The following KCNG4 variants were observed in gnomAD, a reference collection of about 807,000 sequenced individuals.
The protein encoded by KCNG4 is voltage-gated potassium channel regulatory subunit KCNG4.
In KCNG4, 30 loss-of-function variants were observed where a neutral mutation model predicts 28.2. That is an observed-to-expected ratio of 1.06 (90% CI 0.80 to 1.44). KCNG4 has a LOEUF of 1.44. Ranked by LOEUF, KCNG4 falls within the 40% of genes most tolerant of loss-of-function variation. KCNG4 has a pLI of 0.00. For missense variants in KCNG4, 879 were observed against 712.3 expected, an observed-to-expected ratio of 1.23 and a Z score of -2.66; for synonymous variants, 375 against 315.5, an observed-to-expected ratio of 1.19 and a Z score of -2.00.
In KCNG4 at chr16:84,237,474, A is replaced by G. The variant is rs145237059; in HGVS notation, c.12T>C (p.Pro4=). ...TGGGATGCAGGCCCCCGTCTCTGGA[A>G]GGCATGGGCATTGCTGAAGACCACC... MPM[P]SRDGGLHPRH... The change falls in exon 2 of 3, where the codon CCT becomes CCC. Residue 4 remains proline, a synonymous_variant. Coordinates refer to ENST00000308251, the MANE Select transcript of KCNG4 (RefSeq NM_172347.3). 245 of 1,497,800 alleles carry G rather than the reference A, an allele frequency of 1.6e-4. No individual in the cohort carries two copies. The highest frequency in any genetic ancestry group is 1.9e-4 in the Admixed American group (8 of 42,286). 92.8% of individuals were successfully genotyped at this position (1,497,800 alleles called of 1,614,324 possible).
At position 84,226,724 on chromosome 16, in the gene KCNG4, C is replaced by G; in HGVS notation, c.757-3704G>C. On this transcript the variant is annotated intron_variant, in intron 2 of 2. Coordinates refer to ENST00000308251, the MANE Select transcript of KCNG4 (RefSeq NM_172347.3). This position sits in a 1 kb window ranked among gnomAD's most constrained non-coding sequence, Gnocchi z 4.1. ...TGAAACCTTGTCGCTACTAAAAATA[C>G]AAAAATTAGCCAGGCATGGTGACAC... 6.7e-6 allele frequency among the ~76,000 whole-genome samples: 1 copy of G among 148,690 alleles called. No homozygotes were observed. The highest frequency in any genetic ancestry group is 1.9e-4 in the East Asian group (1 of 5,144).
At chr16:84,224,713 T>C (rs561082846) in intron 2 of KCNG4, among the ~76,000 whole-genome samples, 6 of 152,074 alleles carry the variant, frequency 3.9e-5, no homozygotes, top group African/African-American at 1.4e-4. Context: ...ATTGCAGGGG[T>C]GGGAGTCAGA....
intron 2 of KCNG4, among the ~76,000 whole-genome samples, chr16:84,225,580 C>G (rs1230627875): frequency 1.3e-5 from 2 of 152,256 alleles, no homozygotes; most frequent in East Asian, 1.9e-4. Flanking sequence ...CAAGGCCTCT[C>G]TCTTTGCAGA....
intron 2 of KCNG4, among the ~76,000 whole-genome samples, chr16:84,234,666 C>T (rs1248034521): frequency 1.3e-5 from 2 of 152,194 alleles, no homozygotes; most frequent in Non-Finnish European, 2.9e-5. Context: ...CCCATCGTGA[C>T]ATTAATTCTT....
intron 2 of KCNG4, chr16:84,236,414 C>T: frequency 2.2e-6 from 1 of 450,484 alleles, no homozygotes; most frequent in Non-Finnish European, 3.9e-6. Context: ...CCTGTAGTCA[C>T]AGACTCGGGA....
At chr16:84,228,604 C>T (rs947968365) in intron 2 of KCNG4, among the ~76,000 whole-genome samples, 4 of 152,146 alleles carry the variant, frequency 2.6e-5, no homozygotes, top group Admixed American at 6.5e-5. Flanking sequence ...CAGGTCTCCC[C>T]GCCACCCCCC....
chr16:84,222,360 C>T lies in KCNG4; in HGVS notation c.1417G>A (p.Ala473Thr), dbSNP rs933619305. ...ELKKEQEQLQ[A>T]RLRHLQNTGP... ...GTGTTTTGGAGGTGGCGGAGGCGGG[C>T]CTGAAGCTGCTCCTGCTCCTTCTTG... The change falls in exon 3 of 3, where the codon GCC becomes ACC. Residue 473 changes from alanine to threonine, a missense_variant. Coordinates refer to ENST00000308251, the MANE Select transcript of KCNG4 (RefSeq NM_172347.3). 5 of 1,614,078 alleles carry T rather than the reference C, an allele frequency of 3.1e-6. No individual in the cohort carries two copies. Among genetic ancestry groups the T allele is most frequent in the Non-Finnish European group, 4.2e-6 (5 of 1,179,990 alleles).
chr16:84,222,359 G>A lies in KCNG4; in HGVS notation c.1418C>T (p.Ala473Val). The A allele has an allele frequency of 6.2e-7, 1 of 1,614,138 alleles. No homozygotes were observed. The highest frequency in any genetic ancestry group is 8.5e-7 in the Non-Finnish European group (1 of 1,180,006). ...ELKKEQEQLQ[A>V]RLRHLQNTGP... ...GGTGTTTTGGAGGTGGCGGAGGCGG[G>A]CCTGAAGCTGCTCCTGCTCCTTCTT... Residue 473 changes from alanine (A) to valine (V), a missense_variant, in exon 3 of 3, where the codon GCC becomes GTC. Ala to Val is a moderately conservative substitution (Grantham distance 64). Transcript: ENST00000308251.
intron 2 of KCNG4, among the ~76,000 whole-genome samples, chr16:84,225,873 A>C (rs1039161707): frequency 6.6e-6 from 1 of 152,214 alleles, no homozygotes; most frequent in Non-Finnish European, 1.5e-5. Context: ...TCCTAAATCC[A>C]GCCTCCCAGC....
intron 1 of KCNG4, among the ~76,000 whole-genome samples, chr16:84,239,353 G>C (rs1414846058): frequency 6.6e-6 from 1 of 152,182 alleles, no homozygotes; most frequent in Non-Finnish European, 1.5e-5. Flanking sequence ...CATTTTCCCA[G>C]TGCAAAAACC....
At chr16:84,223,388 G>A (rs1173637797) in intron 2 of KCNG4, among the ~76,000 whole-genome samples, 2 of 152,130 alleles carry the variant, frequency 1.3e-5, no homozygotes, top group Non-Finnish European at 2.9e-5. Context: ...CTGGACCAGC[G>A]CCCCAGGGGA....
At chr16:84,225,691 C>T (rs373161501) in intron 2 of KCNG4, among the ~76,000 whole-genome samples, 2 of 152,216 alleles carry the variant, frequency 1.3e-5, no homozygotes, top group East Asian at 3.8e-4. Context: ...CCTGAGAGGC[C>T]GAGAAGGCGC....
At position 84,221,752 on chromosome 16, in the gene KCNG4, C is replaced by G. The variant is rs111841509; in HGVS notation, c.*465G>C. 852 of 162,298 alleles carry G rather than the reference C, an allele frequency of 5.2e-3. 11 individuals are homozygous for G. Among genetic ancestry groups the G allele is most frequent in the African/African-American group, 0.019 (789 of 41,628 alleles). The allele number at this position is 162,298 out of a possible 1,614,324, so 10.1% of individuals were successfully genotyped here. ...CCGTGGAAAGGTTGGGTGGGGAGATCTGATTAGAGGGGTTTGCAGTGACTG... is the reference window on the plus strand; with the variant it reads ...CCGTGGAAAGGTTGGGTGGGGAGATGTGATTAGAGGGGTTTGCAGTGACTG... On this transcript the variant is annotated 3_prime_UTR_variant, in exon 3 of 3. Coordinates refer to ENST00000308251, the MANE Select transcript of KCNG4 (RefSeq NM_172347.3).
Position 84,223,319 on chromosome 16 carries a change from A to C in KCNG4, c.757-299T>G, listed in dbSNP as rs1904623919. Among the ~76,000 whole-genome samples the C allele has an allele frequency of 2.0e-5, 3 of 152,130 alleles. No individual in the cohort carries two copies. The South Asian group carries it at 6.2e-4, about 32-fold the overall frequency. On this transcript the variant is annotated intron_variant, in intron 2 of 2. Coordinates refer to ENST00000308251, the MANE Select transcript of KCNG4 (RefSeq NM_172347.3). The stretch of plus-strand genomic sequence containing the variant: ...GATCTAACTCTTGCACACTCTTTCC[A>C]TCCTTCCTGTGAGCCGGGACAGCAC...
chr16:84,229,679 A>G (rs964640681), intron 2 of KCNG4, among the ~76,000 whole-genome samples: 3 of 152,282 alleles, frequency 2.0e-5, no homozygotes, highest in South Asian at 2.1e-4. Context: ...TGGCGTCTGC[A>G]TGGGGCATTT....
At position 84,222,584 on chromosome 16, in the gene KCNG4, C is replaced by G. The variant is rs146566372; in HGVS notation, c.1193G>C (p.Arg398Pro). The G allele has an allele frequency of 3.7e-6, 6 of 1,613,138 alleles. No homozygotes were observed. The African/African-American group carries it at 5.3e-5, about 14-fold the overall frequency. The stretch of plus-strand genomic sequence containing the variant: ...GGGGATGCTGGTGAACTCCAGCACC[C>G]GCCCGGACTCCTTCTCGGCCACGTA... ...LVYVAEKESG[R>P]VLEFTSIPAS... is the part of the protein sequence containing the mutation. The change falls in exon 3 of 3, where the codon CGG (arginine) becomes CCG (proline). Residue 398 changes from arginine to proline, a missense_variant. Physicochemically the swap from Arg to Pro is moderately radical, Grantham distance 103 (BLOSUM62 -2). Coordinates refer to ENST00000308251, the MANE Select transcript of KCNG4 (RefSeq NM_172347.3).
At position 84,237,396 on chromosome 16, in the gene KCNG4, G is replaced by A. The variant is rs1350516560; in HGVS notation, c.90C>T (p.Pro30=). Residue 30 remains proline, a synonymous_variant, in exon 2 of 3, where the codon CCC becomes CCT. Coordinates refer to ENST00000308251, the MANE Select transcript of KCNG4 (RefSeq NM_172347.3). The part of the protein sequence containing the change: ...HSPWSQLLSS[P]METPSIKGLY... ...GGCCCTTGATGGACGGCGTCTCCAT[G>A]GGGCTGGACAGGAGCTGACTCCAAG... The A allele has an allele frequency of 6.5e-7, 1 of 1,528,090 alleles. No homozygotes were observed. The highest frequency in any genetic ancestry group is 1.4e-5 in the African/African-American group (1 of 72,076). 94.7% of individuals were successfully genotyped at this position (1,528,090 alleles called of 1,614,324 possible). A position where few individuals can be genotyped will look rare whatever the true frequency, so the allele number is the denominator to read the frequency against.
chr16:84,239,843 C>T lies in KCNG4; in HGVS notation c.-214G>A, dbSNP rs953564973. 1.3e-5 allele frequency: 2 copies of T among 152,162 alleles called. No individual in the cohort carries two copies. The highest frequency in any genetic ancestry group is 1.3e-4 in the Admixed American group (2 of 15,278). 9.4% of individuals were successfully genotyped at this position (152,162 alleles called of 1,614,324 possible). A position where few individuals can be genotyped will look rare whatever the true frequency, so the allele number is the denominator to read the frequency against. ...TCCAATCTTTCTTCCCGTGCCTCCT[C>T]CAGAAACCAGAAGTTCATTCATTCT... On this transcript the variant is annotated 5_prime_UTR_variant, in exon 1 of 3. Coordinates refer to ENST00000308251, the MANE Select transcript of KCNG4 (RefSeq NM_172347.3).
At position 84,237,864 on chromosome 16, in the gene KCNG4, T is replaced by C. The variant is rs544741313; in HGVS notation, c.-40-339A>G. Among the ~76,000 whole-genome samples, 8 of 152,284 alleles carry C rather than the reference T, an allele frequency of 5.3e-5. No homozygotes were observed. The East Asian group carries it at 1.5e-3, about 29-fold the overall frequency. ...CTTCTGGGCTCTGTGGTCTCAGGTA[T>C]GTGGCTTAACCTCTCTGATCTCAGC... On this transcript the variant is annotated intron_variant, in intron 1 of 2. Coordinates refer to ENST00000308251, the MANE Select transcript of KCNG4 (RefSeq NM_172347.3).
Sources: allele counts gnomAD v4.1 joint callset (sites outside exome capture counted in the v4.1 genomes callset), GRCh38; gene constraint gnomAD v4.1.1; non-coding constraint Gnocchi (gnomAD v3.1); transcripts MANE v1.5; gene names NCBI Gene and HGNC (gene_info 2026-07-23, HGNC 2026-07-21).